The following PTPRE variants were observed in gnomAD, a reference collection of about 807,000 sequenced individuals.
The protein encoded by PTPRE is protein tyrosine phosphatase receptor type E.
Under a neutral mutation model 102.0 loss-of-function variants are expected in PTPRE, and 51 were observed. The ratio of observed to expected loss-of-function variants is 0.50; its 90% CI spans 0.40 to 0.63. The LOEUF (loss-of-function observed/expected upper bound fraction) is 0.63. PTPRE is among the 30% of genes least tolerant of loss of function. The pLI is 0.00. For synonymous variants in PTPRE, 345 were observed against 348.2 expected (o/e 0.99, Z 0.10); for missense variants, 752 against 915.1 (o/e 0.82, Z 2.30).
intron 7 of PTPRE, among the ~76,000 whole-genome samples, chr10:128,060,197 GCACCATA>G (rs971189173): frequency 1.5e-5 from 2 of 135,622 alleles, no homozygotes; most frequent in African/African-American, 5.6e-5. Context: ...CTACACACAT[GCACCATA>G]CACACCACAC....
intron 1 of PTPRE, among the ~76,000 whole-genome samples, chr10:127,916,311 C>T (rs112094319): frequency 2.0e-5 from 3 of 152,140 alleles, no homozygotes; most frequent in African/African-American, 7.2e-5. Flanking sequence ...CTCATGAGAT[C>T]TGATGGTTTT....
chr10:128,085,031 A>G lies in PTPRE; in HGVS notation c.*2125A>G, dbSNP rs1309468070. On this transcript the variant is annotated 3_prime_UTR_variant, in exon 21 of 21. Transcript: ENST00000254667. ...CCCCTTAGACCAACCCCAGGTGTCC[A>G]CTGCAGGGGTTCTGCCTGTTCCCAA... The G allele has an allele frequency of 4.4e-6, 2 of 451,364 alleles. No individual in the cohort carries two copies. The highest frequency in any genetic ancestry group is 2.4e-5 in the Admixed American group (1 of 41,594). The allele number at this position is 451,364 out of a possible 1,614,324, so 28.0% of individuals were successfully genotyped here.
chr10:127,987,116 C>G (rs1852156205), intron 2 of PTPRE, among the ~76,000 whole-genome samples: 1 of 152,178 alleles, frequency 6.6e-6, no homozygotes, highest in Non-Finnish European at 1.5e-5. Flanking sequence ...CCTCCCTCCC[C>G]CCGGAAAGTT....
intron 2 of PTPRE, among the ~76,000 whole-genome samples, chr10:128,000,189 G>A (rs984809867): frequency 6.6e-6 from 1 of 152,106 alleles, no homozygotes; most frequent in Non-Finnish European, 1.5e-5. Flanking sequence ...ATTAGTTGGT[G>A]GGGTAACAGT....
chr10:128,036,448 T>C (rs1847226086), intron 2 of PTPRE, among the ~76,000 whole-genome samples: 1 of 152,144 alleles, frequency 6.6e-6, no homozygotes, highest in African/African-American at 2.4e-5. Context: ...TCGGTGAGGG[T>C]TGATGAGGTC....
At chr10:128,063,214 C>T (rs375924465) in intron 10 of PTPRE, 34 bp downstream of exon 10, 1 of 1,611,374 alleles carries the variant, frequency 6.2e-7, no homozygotes, top group East Asian at 2.2e-5. Flanking sequence ...GGTATCACTT[C>T]CTTTCAGCTG....
At chr10:128,048,509 A>T (rs1848280886) in intron 5 of PTPRE, among the ~76,000 whole-genome samples, 1 of 152,168 alleles carries the variant, frequency 6.6e-6, no homozygotes, top group South Asian at 2.1e-4. Context: ...CCGTCAGACT[A>T]AAATAGACTC....
intron 9 of PTPRE, 98 bp downstream of exon 9, chr10:128,061,813 TTG>T (rs1407723503): frequency 2.7e-4 from 386 of 1,422,366 alleles, no homozygotes; most frequent in East Asian, 4.2e-4. Flanking sequence ...TATACTGGAT[TTG>T]TGTGTGTGTG....
chr10:128,073,216 A>C (rs1850936040), intron 16 of PTPRE, 121 bp from the exon 17 acceptor site: 1 of 1,390,160 alleles, frequency 7.2e-7, no homozygotes, highest in African/African-American at 1.4e-5. Flanking sequence ...GGTCTGGTGC[A>C]GACCATGGAG....
At position 128,069,684 on chromosome 10, in the gene PTPRE, C is replaced by A; in HGVS notation, c.1008-8C>A. 6.2e-7 allele frequency: 1 copy of A among 1,614,054 alleles called. No homozygotes were observed. Among genetic ancestry groups the A allele is most frequent in the Non-Finnish European group, 8.5e-7 (1 of 1,179,974 alleles). On this transcript the variant is annotated splice_polypyrimidine_tract_variant and splice_region_variant and intron_variant, in intron 12 of 20. Transcript: ENST00000254667. ...CTCACGACGCAGCATCTTTCTCTTT[C>A]CCCAAAGCGCGGGCGTGGGCCGGAC... is the stretch of plus-strand genomic sequence containing the variant.
intron 1 of PTPRE, among the ~76,000 whole-genome samples, chr10:127,978,430 CG>C (rs1398514574): frequency 2.0e-5 from 3 of 151,950 alleles, no homozygotes; most frequent in Admixed American, 6.6e-5. Flanking sequence ...CCCAGCTACT[CG>C]GGGGGTGGCT....
intron 2 of PTPRE, among the ~76,000 whole-genome samples, chr10:128,038,424 G>T (rs548203696): frequency 9.7e-4 from 147 of 152,286 alleles, no homozygotes; most frequent in African/African-American, 3.3e-3. Flanking sequence ...CCAACAATGA[G>T]AGATTGGATT....
intron 19 of PTPRE, 85 bp downstream of exon 19, chr10:128,077,868 G>A: frequency 6.9e-7 from 1 of 1,449,352 alleles, no homozygotes. Flanking sequence ...AGCAGAGCCT[G>A]GTCGCTGCCC....
chr10:128,040,946 G>A lies in PTPRE; in HGVS notation c.65G>A (p.Gly22Asp). Residue 22 changes from glycine to aspartate, a missense_variant, in exon 3 of 21, where the codon GGC becomes GAC. Transcript: ENST00000254667. ...FSLPLARALRGNETTADSNET... is the reference protein window; with the variant it reads ...FSLPLARALRDNETTADSNET... ...TTGCCGCTCGCCAGGGCTCTCAGGGGCAACGAGACCACTGCCGACAGCAAC... is the reference window on the plus strand; with the variant it reads ...TTGCCGCTCGCCAGGGCTCTCAGGGACAACGAGACCACTGCCGACAGCAAC... The A allele has an allele frequency of 1.2e-6, 2 of 1,614,036 alleles. No homozygotes were observed. Among genetic ancestry groups the A allele is most frequent in the Middle Eastern group, 3.3e-4 (2 of 6,062 alleles).
In PTPRE at chr10:127,960,987, G is replaced by C. The variant is rs117841482; in HGVS notation, c.-30-21287G>C. ...AATGAGCTGAGATAGCACCACTGCA[G>C]TCCAGCCTGGGCCAAAGACCCAGAC... On this transcript the variant is annotated intron_variant, in intron 1 of 20. Transcript: ENST00000254667. Among the ~76,000 whole-genome samples the C allele has an allele frequency of 5.3e-4, 79 of 149,346 alleles. No individual in the cohort carries two copies. The East Asian group carries it at 8.4e-3, about 16-fold the overall frequency.
At position 128,068,136 on chromosome 10, in the gene PTPRE, G is replaced by T. The variant is rs1263768150; in HGVS notation, c.857G>T (p.Gly286Val). The T allele has an allele frequency of 6.2e-7, 1 of 1,612,706 alleles. No individual in the cohort carries two copies. Among genetic ancestry groups the T allele is most frequent in the Admixed American group, 1.7e-5 (1 of 59,920 alleles). Residue 286 changes from glycine to valine, a missense_variant, in exon 12 of 21, where the codon GGC becomes GTC. By Grantham distance (109) the Gly-to-Val change is moderately radical (BLOSUM62 -3). This residue lies in a region of PTPRE where 636 missense variants were observed against 824.4 expected (regional missense o/e 0.77). Transcript: ENST00000254667. ...CGTCCCCCGCAGCAGCTCCCCGACG[G>T]CTGCAAAGCCCCCAGGCTGGTCTCA... The part of the protein sequence containing the change: ...KFCIQPQLPD[G>V]CKAPRLVSQL...
intron 12 of PTPRE, 59 bp downstream of exon 12, chr10:128,068,345 A>C: frequency 2.9e-5 from 44 of 1,543,812 alleles, no homozygotes; most frequent in Non-Finnish European, 3.6e-5. Context: ...GGGATGACTC[A>C]TCCTCATGGG....
rs1004649071 is a variant in PTPRE, at chr10:128,066,885, C to A, written c.843+691C>A. On this transcript the variant is annotated intron_variant, in intron 11 of 20. Coordinates refer to ENST00000254667, the MANE Select transcript of PTPRE (RefSeq NM_006504.6). ...AAATGTGCACACAGGCGCACACAGGCACTCACATGCACACGCACACACATA... is the reference window on the plus strand; with the variant it reads ...AAATGTGCACACAGGCGCACACAGGAACTCACATGCACACGCACACACATA... 2.0e-5 allele frequency among the ~76,000 whole-genome samples: 3 copies of A among 152,256 alleles called. No homozygotes were observed. In the East Asian group the frequency reaches 5.8e-4, roughly 29 times the overall value.
chr10:127,962,483 C>A (rs761749177), intron 1 of PTPRE, among the ~76,000 whole-genome samples: 1 of 152,198 alleles, frequency 6.6e-6, no homozygotes, highest in Non-Finnish European at 1.5e-5. Flanking sequence ...CAGACCTCCC[C>A]GGGGAAGCAG....
Sources: gnomAD v4.1 joint callset for allele counts (sites outside exome capture counted in the v4.1 genomes callset) on GRCh38, gnomAD v4.1.1 for gene constraint, gnomAD v4.1.1 regional missense constraint, MANE v1.5 for transcripts, NCBI Gene and HGNC (gene_info 2026-07-23, HGNC 2026-07-21) for gene names.